UBE4B: variants seen among roughly 807,000 people sequenced by gnomAD.
UBE4B encodes the protein ubiquitination factor E4B.
Under a neutral mutation model 148.1 loss-of-function variants are expected in UBE4B, and 27 were observed. The ratio of observed to expected loss-of-function variants is 0.18; its 90% CI spans 0.13 to 0.25. UBE4B has a LOEUF of 0.25. Ranked by LOEUF, UBE4B falls within the 10% of genes least tolerant of loss-of-function variation. The pLI, the probability that UBE4B is intolerant of heterozygous loss-of-function variation, is 1.00. For synonymous variants in UBE4B, 596 were observed against 619.3 expected (o/e 0.96, Z 0.56); for missense variants, 1,170 against 1,662.4 (o/e 0.70, Z 5.15).
chr1:10,147,757 T>G (rs1645898435), intron 19 of UBE4B, among the ~76,000 whole-genome samples: 7 of 152,164 alleles, frequency 4.6e-5, no homozygotes, highest in Admixed American at 4.6e-4. Flanking sequence ...CCCACCTAAT[T>G]CAGAGAGTGA....
At chr1:10,119,340 C>T (rs1282035851) in intron 8 of UBE4B, among the ~76,000 whole-genome samples, 173 bp from the exon 9 acceptor site, 1 of 152,178 alleles carries the variant, frequency 6.6e-6, no homozygotes, top group African/African-American at 2.4e-5. Context: ...ACATCAGTTT[C>T]TGCAGAGGCA....
intron 1 of UBE4B, among the ~76,000 whole-genome samples, chr1:10,044,421 A>G (rs538151481): frequency 8.3e-4 from 126 of 152,138 alleles, no homozygotes; most frequent in African/African-American, 3.0e-3. Context: ...CCTTTTTGGC[A>G]CCAGGGACTG....
At chr1:10,176,481 CA>C (rs1450802177) in intron 25 of UBE4B, among the ~76,000 whole-genome samples, 3 of 152,090 alleles carry the variant, frequency 2.0e-5, no homozygotes, top group Non-Finnish European at 2.9e-5. Context: ...TTTAAGTTTC[CA>C]TTCTTTTTCA....
At position 10,133,123 on chromosome 1, in the gene UBE4B, G is replaced by A. The variant is rs182424461; in HGVS notation, c.2025+641G>A. On this transcript the variant is annotated intron_variant, in intron 15 of 27. Transcript: ENST00000343090. ...GACCCAAGAAGGCAGCTGCAAGGGCGTGAGTGCTTCGGTCCGGGTGAGACA... is the reference window on the plus strand; with the variant it reads ...GACCCAAGAAGGCAGCTGCAAGGGCATGAGTGCTTCGGTCCGGGTGAGACA... Among the ~76,000 whole-genome samples, 25 of 150,802 alleles carry A rather than the reference G, an allele frequency of 1.7e-4. No individual in the cohort carries two copies. The East Asian group carries it at 2.5e-3, about 15-fold the overall frequency.
rs781006256 is a variant in UBE4B at position 10,147,065 on chromosome 1, C to T, written c.2566C>T (p.Arg856Cys). The change falls in exon 19 of 28, where the codon CGC (arginine) becomes TGC (cysteine). Residue 856 changes from arginine to cysteine, a missense_variant. Physicochemically the swap from Arg to Cys is radical, Grantham distance 180. This residue lies in a region of UBE4B where 348 missense variants were observed against 627.2 expected (regional missense o/e 0.55). Coordinates refer to ENST00000343090, the MANE Select transcript of UBE4B (RefSeq NM_001105562.3). Reference protein sequence around the residue: ...FYGLLIQLLLRILDPAYPDIT... With the variant: ...FYGLLIQLLLCILDPAYPDIT... ...TGGCCTTCTCATTCAGCTGCTGCTC[C>T]GCATCCTGGACCCCGCATATCCCGA... 26 of 1,614,060 alleles carry T rather than the reference C, an allele frequency of 1.6e-5. No individual in the cohort carries two copies. Among genetic ancestry groups the T allele is most frequent in the African/African-American group, 5.3e-5 (4 of 74,918 alleles).
chr1:10,110,072 G>A (rs115772503), intron 7 of UBE4B, among the ~76,000 whole-genome samples: 303 of 152,232 alleles, frequency 2.0e-3, no homozygotes, highest in African/African-American at 6.9e-3. Flanking sequence ...GATCTTCCCA[G>A]AATTTTTTTA....
chr1:10,142,635 C>T (rs1438038363), intron 17 of UBE4B, among the ~76,000 whole-genome samples: 1 of 152,058 alleles, frequency 6.6e-6, no homozygotes, highest in Non-Finnish European at 1.5e-5. Flanking sequence ...TGCGCCACTG[C>T]ACTCCAGCCT....
Position 10,047,044 on chromosome 1 carries a change from G to A in UBE4B, c.24+13350G>A, listed in dbSNP as rs539465147. 6.6e-5 allele frequency among the ~76,000 whole-genome samples: 10 copies of A among 152,254 alleles called. No individual in the cohort carries two copies. The South Asian group carries it at 2.1e-3, about 32-fold the overall frequency. Reference sequence around the variant, plus strand: ...TGTTTTCTAAGATATCACGGGTTTTGCCAAATGTTTTATTGTGATCTCTGA... The same window carrying A: ...TGTTTTCTAAGATATCACGGGTTTTACCAAATGTTTTATTGTGATCTCTGA... On this transcript the variant is annotated intron_variant, in intron 1 of 27. Coordinates refer to ENST00000343090, the MANE Select transcript of UBE4B (RefSeq NM_001105562.3).
chr1:10,126,054 A>G (rs1645487869), intron 10 of UBE4B, among the ~76,000 whole-genome samples: 1 of 152,194 alleles, frequency 6.6e-6, no homozygotes, highest in African/African-American at 2.4e-5. Flanking sequence ...TGATCCCAGC[A>G]CTTTGGGAGG....
intron 25 of UBE4B, among the ~76,000 whole-genome samples, chr1:10,172,950 C>T (rs954690626): frequency 6.6e-6 from 1 of 152,200 alleles, no homozygotes; most frequent in Non-Finnish European, 1.5e-5. Context: ...TACAGTCCCA[C>T]ACTGTACAGT....
intron 17 of UBE4B, among the ~76,000 whole-genome samples, chr1:10,144,505 G>A (rs980916161): frequency 1.3e-5 from 2 of 152,126 alleles, no homozygotes; most frequent in African/African-American, 4.8e-5. Flanking sequence ...GGAGGCTGGG[G>A]CAGGCAGACC....
intron 1 of UBE4B, among the ~76,000 whole-genome samples, chr1:10,044,360 C>G (rs548730092): frequency 6.6e-6 from 1 of 152,078 alleles, no homozygotes; most frequent in African/African-American, 2.4e-5. Context: ...TGGCCCAGTT[C>G]CATATTTAAT....
chr1:10,167,441 A>AAAT (rs200457569), intron 23 of UBE4B, among the ~76,000 whole-genome samples: 3,678 of 147,140 alleles, frequency 0.025, 72 homozygotes, highest in African/African-American at 0.056. Context: ...CCGTCTCAAA[A>AAAT]AATAATAATA....
chr1:10,065,018 C>T (rs142137203), intron 1 of UBE4B, among the ~76,000 whole-genome samples: 1 of 152,252 alleles, frequency 6.6e-6, no homozygotes, highest in East Asian at 1.9e-4. Context: ...CCCGCCTGGC[C>T]TCCCAAAGTG....
intron 2 of UBE4B, among the ~76,000 whole-genome samples, chr1:10,073,675 G>A (rs1013921125): frequency 1.3e-5 from 2 of 152,130 alleles, no homozygotes; most frequent in Non-Finnish European, 2.9e-5. Context: ...AGCCAAGATT[G>A]CGCTACTGCA....
At chr1:10,148,225 CA>C (rs371861742) in intron 19 of UBE4B, among the ~76,000 whole-genome samples, 430 of 121,364 alleles carry the variant, frequency 3.5e-3, no homozygotes, top group Middle Eastern at 5.1e-3. Context: ...GACTCCATCT[CA>C]AAAAAAAAAA....
At chr1:10,167,459 T>A (rs996986784) in intron 23 of UBE4B, among the ~76,000 whole-genome samples, 2 of 149,648 alleles carry the variant, frequency 1.3e-5, no homozygotes, top group Non-Finnish European at 3.0e-5. Flanking sequence ...ATAATAATAA[T>A]AATAATAATA....
intron 7 of UBE4B, among the ~76,000 whole-genome samples, chr1:10,107,953 A>G (rs941651725): frequency 6.6e-6 from 1 of 152,120 alleles, no homozygotes. Context: ...AAGCATGAAA[A>G]CAGATTAAAG....
intron 17 of UBE4B, among the ~76,000 whole-genome samples, chr1:10,144,310 G>A (rs953463986): frequency 2.0e-5 from 3 of 152,184 alleles, no homozygotes; most frequent in Non-Finnish European, 2.9e-5. Context: ...ATTTTCATGA[G>A]AGACTTCTTT....
Sources: gnomAD v4.1 joint callset for allele counts (sites outside exome capture counted in the v4.1 genomes callset) on GRCh38, gnomAD v4.1.1 for gene constraint, gnomAD v4.1.1 regional missense constraint, MANE v1.5 for transcripts, NCBI Gene and HGNC (gene_info 2026-07-23, HGNC 2026-07-21) for gene names.